CYYR1: variants seen among roughly 807,000 people sequenced by gnomAD.
The protein encoded by CYYR1 is cysteine and tyrosine-rich protein 1.
In CYYR1, 14 loss-of-function variants were observed where a neutral mutation model predicts 15.2. That is an observed-to-expected ratio of 0.92 (90% CI 0.61 to 1.44). CYYR1 has a LOEUF of 1.44. Among genes scored for constraint, CYYR1 ranks in the 40% most tolerant of loss-of-function variants. The pLI, the probability that CYYR1 is intolerant of heterozygous loss-of-function variation, is 0.00. For synonymous variants in CYYR1, 80 were observed against 77.4 expected (o/e 1.03, Z -0.18); for missense variants, 228 against 209.5 (o/e 1.09, Z -0.54).
At chr21:26,481,964 A>C (rs1474241240) in intron 2 of CYYR1, among the ~76,000 whole-genome samples, 1 of 152,046 alleles carries the variant, frequency 6.6e-6, no homozygotes, top group Non-Finnish European at 1.5e-5. Flanking sequence ...TGAAAAATAA[A>C]AATATTCACT....
intron 2 of CYYR1, among the ~76,000 whole-genome samples, chr21:26,532,322 C>T (rs968618942): frequency 2.6e-5 from 4 of 152,042 alleles, no homozygotes; most frequent in African/African-American, 7.2e-5. Flanking sequence ...TATTGAAGGA[C>T]TAAAGCAGCA....
chr21:26,491,222 A>G (rs2065323172), intron 2 of CYYR1, among the ~76,000 whole-genome samples: 1 of 152,210 alleles, frequency 6.6e-6, no homozygotes, highest in Non-Finnish European at 1.5e-5. Context: ...ATGCATTGGC[A>G]TGGTTCACCC....
At chr21:26,474,270 G>A (rs1451355553) in intron 3 of CYYR1, among the ~76,000 whole-genome samples, 2 of 151,806 alleles carry the variant, frequency 1.3e-5, no homozygotes, top group Non-Finnish European at 2.9e-5. Context: ...GGTCAGGCTG[G>A]TCTCGAACTT....
At chr21:26,475,603 AAAC>A (rs543552220) in intron 3 of CYYR1, among the ~76,000 whole-genome samples, 3 of 152,150 alleles carry the variant, frequency 2.0e-5, no homozygotes, top group Admixed American at 6.6e-5. Flanking sequence ...TCAATAAGAA[AAAC>A]AACAACAACA....
At chr21:26,566,451 C>T in intron 1 of CYYR1, 83 bp from the exon 2 acceptor site, 1 of 1,003,760 alleles carries the variant, frequency 1.0e-6, no homozygotes, top group Non-Finnish European at 1.5e-6. Context: ...ACAACTTAAT[C>T]AGCCAATGAC....
intron 2 of CYYR1, among the ~76,000 whole-genome samples, chr21:26,526,631 TAATG>T (rs2065869994): frequency 6.6e-6 from 1 of 152,116 alleles, no homozygotes; most frequent in African/African-American, 2.4e-5. Flanking sequence ...TCAAAAGAAA[TAATG>T]AATGAATTCT....
intron 2 of CYYR1, among the ~76,000 whole-genome samples, chr21:26,507,014 T>C (rs2065575899): frequency 1.3e-5 from 2 of 152,198 alleles, no homozygotes; most frequent in South Asian, 4.1e-4. Flanking sequence ...AGTGTAATAA[T>C]GCAACTTCAA....
chr21:26,513,240 T>C (rs1346812006), intron 2 of CYYR1, among the ~76,000 whole-genome samples: 1 of 152,202 alleles, frequency 6.6e-6, no homozygotes, highest in Non-Finnish European at 1.5e-5. Context: ...CCTTGTACGA[T>C]CCTTAGTCTT....
intron 3 of CYYR1, among the ~76,000 whole-genome samples, chr21:26,478,526 A>G (rs1876015841): frequency 6.6e-6 from 1 of 152,196 alleles, no homozygotes; most frequent in East Asian, 1.9e-4. Context: ...TGAAGGCCTC[A>G]GTAAAGAATC....
At chr21:26,517,258 G>A (rs1601781493) in intron 2 of CYYR1, among the ~76,000 whole-genome samples, 2 of 151,660 alleles carry the variant, frequency 1.3e-5, no homozygotes, top group South Asian at 4.2e-4. Flanking sequence ...CTCTATAGTA[G>A]GATTAGTCAA....
intron 2 of CYYR1, among the ~76,000 whole-genome samples, chr21:26,542,134 C>CA (rs1468177844): frequency 6.9e-6 from 1 of 143,916 alleles, no homozygotes; most frequent in Non-Finnish European, 1.5e-5. Context: ...ACTTTGAATA[C>CA]AAAAAAATCA....
chr21:26,477,268 G>A (rs756608112), intron 3 of CYYR1, among the ~76,000 whole-genome samples: 2 of 152,130 alleles, frequency 1.3e-5, no homozygotes, highest in Non-Finnish European at 2.9e-5. Context: ...GTATTCAATA[G>A]TATTATGTGT....
chr21:26,514,274 G>A (rs2065690826), intron 2 of CYYR1, among the ~76,000 whole-genome samples: 2 of 152,132 alleles, frequency 1.3e-5, no homozygotes, highest in Non-Finnish European at 2.9e-5. Flanking sequence ...CCCCAGTGTT[G>A]GAAGTGGAGC....
At chr21:26,531,529 T>C (rs1479647214) in intron 2 of CYYR1, among the ~76,000 whole-genome samples, 4 of 152,136 alleles carry the variant, frequency 2.6e-5, no homozygotes, top group East Asian at 1.9e-4. Flanking sequence ...GCAGCATTTT[T>C]CCCTTCATTT....
At chr21:26,564,687 A>G (rs1024162290) in intron 2 of CYYR1, 10 of 1,104,354 alleles carry the variant, frequency 9.1e-6, no homozygotes, top group Non-Finnish European at 1.1e-5. Flanking sequence ...GGAGTGAGAA[A>G]GAGGGCACAC....
intron 2 of CYYR1, among the ~76,000 whole-genome samples, chr21:26,558,923 C>T (rs763144735): frequency 7.2e-5 from 11 of 152,076 alleles, no homozygotes; most frequent in African/African-American, 2.4e-4. Flanking sequence ...TTAAATAATA[C>T]GTCAATCAAC....
At chr21:26,562,859 A>G (rs1230239312) in intron 2 of CYYR1, among the ~76,000 whole-genome samples, 1 of 147,344 alleles carries the variant, frequency 6.8e-6, no homozygotes, top group African/African-American at 2.5e-5. Context: ...GTCCTCCAAT[A>G]ATACTTCATA....
At chr21:26,539,769 C>T (rs78333537) in intron 2 of CYYR1, among the ~76,000 whole-genome samples, 3,678 of 152,230 alleles carry the variant, frequency 0.024, 51 homozygotes, top group African/African-American at 0.038. Flanking sequence ...TTTGAGGTTT[C>T]TTCCCCCGCC....
At chr21:26,477,358 C>T (rs181323095) in intron 3 of CYYR1, among the ~76,000 whole-genome samples, 137 of 152,228 alleles carry the variant, frequency 9.0e-4, no homozygotes, top group African/African-American at 3.1e-3. Context: ...ATTATGTTTT[C>T]GAAGACCTAG....
Sources: gnomAD v4.1 joint callset for allele counts (sites outside exome capture counted in the v4.1 genomes callset) on GRCh38, gnomAD v4.1.1 for gene constraint, MANE v1.5 for transcripts, NCBI Gene and HGNC (gene_info 2026-07-23, HGNC 2026-07-21) for gene names.